The following TRAPPC9 variants were observed in gnomAD, a reference collection of about 807,000 sequenced individuals.
The protein encoded by TRAPPC9 is trafficking protein particle complex subunit 9.
A neutral mutation model predicts 124.0 loss-of-function variants in TRAPPC9; 83 were observed. The ratio of observed to expected loss-of-function variants is 0.67; its 90% confidence interval spans 0.56 to 0.80. The LOEUF is 0.80. Ranked by LOEUF, TRAPPC9 falls within the 30% of genes least tolerant of loss-of-function variation. TRAPPC9 has a pLI of 0.00. For missense variants in TRAPPC9, 1,302 were observed against 1,508.3 expected (o/e 0.86, Z 2.27); for synonymous variants, 638 against 617.5 (o/e 1.03, Z -0.49).
chr8:140,357,062 G>A (rs1383175134), intron 9 of TRAPPC9, among the ~76,000 whole-genome samples: 1 of 152,202 alleles, frequency 6.6e-6, no homozygotes, highest in Non-Finnish European at 1.5e-5. Context: ...GCTCCAGGTA[G>A]ACAGCAGGCA....
At chr8:139,772,277 G>A (rs1319342776) in intron 21 of TRAPPC9, among the ~76,000 whole-genome samples, 1 of 152,206 alleles carries the variant, frequency 6.6e-6, no homozygotes, top group Non-Finnish European at 1.5e-5. Flanking sequence ...CAGAGGGAGA[G>A]GCCCAGACTG....
chr8:140,190,649 C>T (rs2062470212), intron 17 of TRAPPC9, among the ~76,000 whole-genome samples: 2 of 152,316 alleles, frequency 1.3e-5, no homozygotes, highest in South Asian at 2.1e-4. Context: ...CAAAAGGAGG[C>T]TGCAAAGAGA....
chr8:140,298,591 G>A (rs2065877228), intron 11 of TRAPPC9, among the ~76,000 whole-genome samples: 3 of 152,264 alleles, frequency 2.0e-5, no homozygotes, highest in African/African-American at 7.2e-5. Flanking sequence ...GGTTGAGGCA[G>A]CAGTGAGTCC....
chr8:139,961,852 G>C (rs1835387635), intron 19 of TRAPPC9, among the ~76,000 whole-genome samples: 3 of 123,462 alleles, frequency 2.4e-5, no homozygotes, highest in African/African-American at 7.7e-5. Flanking sequence ...ACTCAGCCAG[G>C]GTAGAAGAGA....
chr8:140,268,706 C>A (rs901374539), intron 15 of TRAPPC9, among the ~76,000 whole-genome samples: 7 of 152,148 alleles, frequency 4.6e-5, no homozygotes, highest in African/African-American at 1.7e-4. Flanking sequence ...GCCCTATGTG[C>A]CCTGCGCATC....
chr8:139,830,803 C>T (rs1318413854), intron 21 of TRAPPC9, among the ~76,000 whole-genome samples: 1 of 152,236 alleles, frequency 6.6e-6, no homozygotes, highest in Admixed American at 6.5e-5. Context: ...AGCCCGGAAG[C>T]CTCTCTGGAT....
chr8:140,054,331 C>G (rs534349168), intron 17 of TRAPPC9, among the ~76,000 whole-genome samples: 1 of 151,898 alleles, frequency 6.6e-6, no homozygotes, highest in African/African-American at 2.4e-5. Context: ...TTGTTTCAAA[C>G]GAAATCAAAA....
chr8:139,925,338 G>C (rs761129337), intron 19 of TRAPPC9, among the ~76,000 whole-genome samples: 1 of 152,186 alleles, frequency 6.6e-6, no homozygotes, highest in Non-Finnish European at 1.5e-5. Flanking sequence ...GTTGCATATG[G>C]AGGTGGGGGA....
chr8:140,057,319 A>C (rs191481295), intron 17 of TRAPPC9, among the ~76,000 whole-genome samples: 5 of 152,340 alleles, frequency 3.3e-5, no homozygotes, highest in African/African-American at 1.2e-4. Context: ...TAAATGATCC[A>C]GCAATTCTGT....
intron 17 of TRAPPC9, among the ~76,000 whole-genome samples, chr8:140,103,130 G>A (rs1284413319): frequency 6.6e-6 from 1 of 152,180 alleles, no homozygotes; most frequent in Non-Finnish European, 1.5e-5. Context: ...GGTAACAACA[G>A]AGGGTTAGCA....
At chr8:139,964,006 C>T (rs913180610) in intron 19 of TRAPPC9, among the ~76,000 whole-genome samples, 12 of 151,914 alleles carry the variant, frequency 7.9e-5, no homozygotes, top group Non-Finnish European at 7.4e-5. Flanking sequence ...GGGTGGATCA[C>T]GAGGTCAGGA....
intron 2 of TRAPPC9, among the ~76,000 whole-genome samples, chr8:140,445,678 T>C (rs866704846): frequency 6.6e-6 from 1 of 152,344 alleles, no homozygotes; most frequent in Middle Eastern, 3.4e-3. Flanking sequence ...CTGTACTTAA[T>C]ACATTCATGT....
intron 21 of TRAPPC9, among the ~76,000 whole-genome samples, chr8:139,824,335 G>A (rs928673317): frequency 2.6e-5 from 4 of 152,098 alleles, no homozygotes; most frequent in African/African-American, 4.8e-5. Flanking sequence ...AGAGCTTCGG[G>A]GGCCTGCAGG....
intron 17 of TRAPPC9, among the ~76,000 whole-genome samples, chr8:140,219,972 C>T (rs2063298705): frequency 6.6e-6 from 1 of 152,208 alleles, no homozygotes; most frequent in African/African-American, 2.4e-5. Context: ...CATTTCAGCA[C>T]AACCTCTAAT....
Position 139,728,456 on chromosome 8 carries a change from T to TG in TRAPPC9, c.*2604dup, listed in dbSNP as rs1373158915. Among the ~76,000 whole-genome samples the TG allele has an allele frequency of 1.3e-5, 2 of 152,156 alleles. No individual in the cohort carries two copies. Among genetic ancestry groups the TG allele is most frequent in the African/African-American group, 4.8e-5 (2 of 41,432 alleles). Reference sequence around the variant, plus strand: ...CTGTATTGCCAGGTAGCCAGTAGCGTGGGGCCCTGGAAGAGGCTGGAGGAT... The same window carrying TG: ...CTGTATTGCCAGGTAGCCAGTAGCGTGGGGGCCCTGGAAGAGGCTGGAGGAT... On this transcript the variant is annotated 3_prime_UTR_variant, in exon 23 of 23. Coordinates refer to ENST00000438773, the MANE Select transcript of TRAPPC9 (RefSeq NM_001160372.4).
chr8:140,360,280 TG>T, intron 8 of TRAPPC9, 87 bp from the exon 9 acceptor site: 1 of 1,532,172 alleles, frequency 6.5e-7, no homozygotes, highest in Non-Finnish European at 8.9e-7. Flanking sequence ...CTTGGCAATT[TG>T]AAGACAGATG....
intron 16 of TRAPPC9, among the ~76,000 whole-genome samples, chr8:140,248,961 G>A (rs1187224661): frequency 1.3e-5 from 2 of 152,064 alleles, no homozygotes; most frequent in African/African-American, 2.4e-5. Context: ...GAAAAATATC[G>A]AGCCTACAGA....
chr8:140,333,989 A>G (rs767903641), intron 9 of TRAPPC9, among the ~76,000 whole-genome samples: 4 of 152,210 alleles, frequency 2.6e-5, no homozygotes, highest in Admixed American at 2.0e-4. Context: ...CATATGCCTT[A>G]CTAAATGATT....
chr8:139,761,877 T>C (rs1342622920), intron 21 of TRAPPC9, among the ~76,000 whole-genome samples: 1 of 151,622 alleles, frequency 6.6e-6, no homozygotes, highest in Non-Finnish European at 1.5e-5. Context: ...GTGCATCTGC[T>C]TCTTCTGCTT....
Sources: allele counts gnomAD v4.1 joint callset (sites outside exome capture counted in the v4.1 genomes callset), GRCh38; gene constraint gnomAD v4.1.1; transcripts MANE v1.5; gene names NCBI Gene and HGNC (gene_info 2026-07-23, HGNC 2026-07-21).